The following CHCHD3 variants were observed in gnomAD, a reference collection of about 807,000 sequenced individuals.
The protein encoded by CHCHD3 is MICOS complex subunit MIC19.
A neutral mutation model predicts 38.2 loss-of-function variants in CHCHD3; 20 were observed. The observed-to-expected ratio is 0.52, with a 90% CI of 0.37 to 0.76. The LOEUF (loss-of-function observed/expected upper bound fraction) is 0.76, where lower values mean the gene tolerates loss of function less well. Among genes scored for constraint, CHCHD3 ranks in the 30% least tolerant of loss-of-function variants. The probability of loss-of-function intolerance (pLI) is 0.00; values close to 1 mark genes in which losing one functional copy is unlikely to be tolerated. For synonymous variants in CHCHD3, 82 were observed against 100.0 expected, an observed-to-expected ratio of 0.82 and a Z score of 1.07; for missense variants, 245 against 279.2, an observed-to-expected ratio of 0.88 and a Z score of 0.87.
At chr7:132,941,071 C>T (rs1278427074) in intron 4 of CHCHD3, among the ~76,000 whole-genome samples, 5 of 152,158 alleles carry the variant, frequency 3.3e-5, no homozygotes, top group Non-Finnish European at 7.3e-5. Context: ...CATTCTTACA[C>T]AATTCTACCC....
In CHCHD3 at chr7:133,011,324, C is replaced by T. The variant is rs185811881; in HGVS notation, c.251+13222G>A. Among the ~76,000 whole-genome samples the T allele has an allele frequency of 3.2e-3, 490 of 152,170 alleles. 3 individuals carry two copies. In the South Asian group the frequency reaches 0.037, roughly 11 times the overall value. On this transcript the variant is annotated intron_variant, in intron 3 of 7. Transcript: ENST00000262570. ...GATTCAAAATGCATTTTTTTAAAGC[C>T]AACTAATGCTGCTTTGTGAAAAATA...
At chr7:133,032,744 T>C (rs1813536925) in intron 2 of CHCHD3, among the ~76,000 whole-genome samples, 1 of 152,188 alleles carries the variant, frequency 6.6e-6, no homozygotes, top group Non-Finnish European at 1.5e-5. Flanking sequence ...ATCTAGTATT[T>C]CATGTCTTAA....
intron 6 of CHCHD3, among the ~76,000 whole-genome samples, chr7:132,816,545 T>G (rs1254402188): frequency 6.6e-6 from 1 of 152,200 alleles, no homozygotes; most frequent in Non-Finnish European, 1.5e-5. Flanking sequence ...CAGAAAGTCC[T>G]TAATGACACC....
chr7:132,895,619 T>C (rs181149799), intron 4 of CHCHD3, among the ~76,000 whole-genome samples: 4 of 152,380 alleles, frequency 2.6e-5, no homozygotes, highest in Admixed American at 2.6e-4. Context: ...TTTCCTGTGC[T>C]GTCCTCATGA....
rs1355543537 is a variant in CHCHD3 at position 132,787,013 on chromosome 7, G to T, written c.661-1353C>A. ...GAGCGAGCAGGGAAGGCTTCTCCAA[G>T]GACCTTCCACCATGGAGAGAATCCA... On this transcript the variant is annotated intron_variant, in intron 7 of 7. Coordinates refer to ENST00000262570, the MANE Select transcript of CHCHD3 (RefSeq NM_017812.4). Among the ~76,000 whole-genome samples the T allele has an allele frequency of 2.0e-5, 3 of 152,154 alleles. No homozygotes were observed. In the East Asian group the frequency reaches 5.8e-4, roughly 29 times the overall value.
At chr7:132,815,078 C>A (rs1185791240) in intron 6 of CHCHD3, among the ~76,000 whole-genome samples, 1 of 152,100 alleles carries the variant, frequency 6.6e-6, no homozygotes, top group Admixed American at 6.5e-5. Flanking sequence ...TGAAATAAAG[C>A]AATGAGAGCA....
chr7:132,959,872 C>T (rs1376896748), intron 4 of CHCHD3, among the ~76,000 whole-genome samples: 1 of 151,910 alleles, frequency 6.6e-6, no homozygotes, highest in African/African-American at 2.4e-5. Flanking sequence ...AGCTAAATAC[C>T]CCCTTTCATA....
chr7:133,056,141 T>C (rs902012406), intron 2 of CHCHD3, among the ~76,000 whole-genome samples: 3 of 150,946 alleles, frequency 2.0e-5, no homozygotes, highest in Non-Finnish European at 2.9e-5. Flanking sequence ...AGCAAGACTA[T>C]GCCTCAAAAA....
intron 4 of CHCHD3, among the ~76,000 whole-genome samples, chr7:132,932,316 G>C (rs915580461): frequency 3.3e-5 from 5 of 152,204 alleles, no homozygotes; most frequent in Admixed American, 2.0e-4. Context: ...GGTCAGGAGA[G>C]AGAGGTGAAA....
chr7:132,802,522 G>T (rs533987555), intron 6 of CHCHD3, among the ~76,000 whole-genome samples: 1 of 152,246 alleles, frequency 6.6e-6, no homozygotes, highest in South Asian at 2.1e-4. Context: ...AAGAATGAGG[G>T]TCCCCAGTTT....
intron 4 of CHCHD3, among the ~76,000 whole-genome samples, chr7:132,888,109 G>C (rs1809261734): frequency 6.6e-6 from 1 of 151,282 alleles, no homozygotes; most frequent in African/African-American, 2.4e-5. Flanking sequence ...GCTATATAAA[G>C]GCAGTATAAC....
intron 3 of CHCHD3, among the ~76,000 whole-genome samples, chr7:132,998,942 A>G (rs764501207): frequency 1.3e-5 from 2 of 152,166 alleles, no homozygotes; most frequent in Non-Finnish European, 2.9e-5. Context: ...GTTAACTAAT[A>G]CCCAAAATCA....
chr7:133,016,932 A>G (rs1813048467), intron 3 of CHCHD3, among the ~76,000 whole-genome samples: 1 of 152,234 alleles, frequency 6.6e-6, no homozygotes, highest in South Asian at 2.1e-4. Context: ...ACAACAGGCC[A>G]CTGTCCACCC....
intron 4 of CHCHD3, among the ~76,000 whole-genome samples, chr7:132,926,592 C>A (rs573647574): frequency 2.9e-4 from 44 of 152,028 alleles, no homozygotes; most frequent in Non-Finnish European, 3.4e-4. Flanking sequence ...CTGTAAGCTG[C>A]ACTTTTGATA....
At chr7:132,909,102 C>T (rs112951655) in intron 4 of CHCHD3, among the ~76,000 whole-genome samples, 4,750 of 152,178 alleles carry the variant, frequency 0.031, 266 homozygotes, top group African/African-American at 0.11. Context: ...CCTGCCACAC[C>T]GTGAAGAAGG....
At chr7:132,998,083 C>G (rs138886134) in intron 3 of CHCHD3, among the ~76,000 whole-genome samples, 4 of 152,230 alleles carry the variant, frequency 2.6e-5, no homozygotes, top group Non-Finnish European at 5.9e-5. Flanking sequence ...TTTATCTTTA[C>G]GGTAATTTCC....
intron 6 of CHCHD3, among the ~76,000 whole-genome samples, chr7:132,818,288 G>A (rs1241723234): frequency 6.6e-6 from 1 of 152,186 alleles, no homozygotes; most frequent in Non-Finnish European, 1.5e-5. Context: ...TCCACGACGT[G>A]GCAAGACTGC....
At chr7:132,830,401 C>T (rs1807617806) in intron 6 of CHCHD3, among the ~76,000 whole-genome samples, 1 of 152,152 alleles carries the variant, frequency 6.6e-6, no homozygotes, top group Admixed American at 6.6e-5. Flanking sequence ...AAATGGGAGC[C>T]ACTATCTTGC....
intron 1 of CHCHD3, among the ~76,000 whole-genome samples, chr7:133,078,921 GCACCATGTT>G: frequency 6.6e-6 from 1 of 152,192 alleles, no homozygotes; most frequent in Non-Finnish European, 1.5e-5. Context: ...TGCCTCATCG[GCACCATGTT>G]CTAACAAACT....
Sources: allele counts gnomAD v4.1 joint callset (sites outside exome capture counted in the v4.1 genomes callset), GRCh38; gene constraint gnomAD v4.1.1; transcripts MANE v1.5; gene names NCBI Gene and HGNC (gene_info 2026-07-23, HGNC 2026-07-21).